Variants in COMMD9 observed in about 807,000 individuals in gnomAD.
The protein encoded by COMMD9 is COMM domain-containing protein 9.
In COMMD9, 22 loss-of-function variants were observed where a neutral mutation model predicts 23.4. That is an observed-to-expected ratio of 0.94 (90% CI 0.67 to 1.34). The LOEUF (loss-of-function observed/expected upper bound fraction) is 1.34. Ranked by LOEUF, COMMD9 falls within the 40% of genes most tolerant of loss-of-function variation. The pLI, the probability that COMMD9 is intolerant of heterozygous loss-of-function variation, is 0.00. For missense variants in COMMD9, 231 were observed against 240.2 expected, an observed-to-expected ratio of 0.96 and a Z score of 0.25; for synonymous variants, 99 against 97.4, an observed-to-expected ratio of 1.02 and a Z score of -0.10.
At chr11:36,274,865 T>C in intron 5 of COMMD9, 93 bp from the exon 6 acceptor site, 1 of 1,481,792 alleles carries the variant, frequency 6.7e-7, no homozygotes, top group South Asian at 1.2e-5. Context: ...AGCTCAGTTC[T>C]GCTGAACCTC....
chr11:36,286,303 A>G (rs1856150012), intron 1 of COMMD9, among the ~76,000 whole-genome samples: 1 of 150,160 alleles, frequency 6.7e-6, no homozygotes, highest in Non-Finnish European at 1.5e-5. Context: ...TAATCCCAGC[A>G]CTTTGGGAGG....
chr11:36,277,073 A>T lies in COMMD9; in HGVS notation c.352+16T>A. On this transcript the variant is annotated intron_variant, in intron 4 of 5. Transcript: ENST00000263401. ...GAGACAAGTAAGAAGGGAGGGGCAG[A>T]TTTATTGGTACTCACTCTGATTTGC... 8 of 1,600,790 alleles carry T rather than the reference A, an allele frequency of 5.0e-6. No individual in the cohort carries two copies. Among genetic ancestry groups the T allele is most frequent in the Admixed American group, 1.7e-5 (1 of 57,772 alleles).
intron 3 of COMMD9, 26 bp downstream of exon 3, chr11:36,278,451 G>A (rs1431273294): frequency 6.3e-7 from 1 of 1,587,700 alleles, no homozygotes; most frequent in African/African-American, 1.3e-5. Flanking sequence ...AAAGTTAGAA[G>A]GGACTTTCAA....
At chr11:36,284,592 G>A (rs531079822) in intron 1 of COMMD9, among the ~76,000 whole-genome samples, 1 of 152,304 alleles carries the variant, frequency 6.6e-6, no homozygotes, top group South Asian at 2.1e-4. Context: ...AGTGTCCACT[G>A]AACACATACC....
chr11:36,277,645 A>T (rs1855996504), intron 3 of COMMD9, among the ~76,000 whole-genome samples: 1 of 152,250 alleles, frequency 6.6e-6, no homozygotes, highest in Non-Finnish European at 1.5e-5. Flanking sequence ...CCTTCTGCTA[A>T]CCAATAGTTA....
intron 1 of COMMD9, among the ~76,000 whole-genome samples, chr11:36,288,150 C>T (rs1451868027): frequency 6.6e-6 from 1 of 152,222 alleles, no homozygotes; most frequent in East Asian, 1.9e-4. Context: ...TGAGCACGTG[C>T]TGTGTGCCAG....
intron 1 of COMMD9, among the ~76,000 whole-genome samples, chr11:36,282,164 G>T (rs1047300492): frequency 6.6e-6 from 1 of 152,002 alleles, no homozygotes; most frequent in African/African-American, 2.4e-5. Flanking sequence ...GGACTATAAC[G>T]AAAAACCTAA....
intron 1 of COMMD9, among the ~76,000 whole-genome samples, chr11:36,289,151 AT>A (rs952586637): frequency 1.7e-4 from 25 of 151,394 alleles, no homozygotes; most frequent in South Asian, 4.2e-4. Flanking sequence ...CCATTATTTT[AT>A]TTTTTTTTAT....
In COMMD9 at chr11:36,280,561, A is replaced by G. The variant is rs1344961775; in HGVS notation, c.177+151T>C. ...GGTCAGGAGCTCTGATTCTGGGTAC[A>G]GTTCTCCCATTCATGTCCCATTTAT... On this transcript the variant is annotated intron_variant, in intron 2 of 5. Transcript: ENST00000263401. 10 of 699,812 alleles carry G rather than the reference A, an allele frequency of 1.4e-5. No individual in the cohort carries two copies. The East Asian group carries it at 2.8e-4, about 19-fold the overall frequency. 43.4% of individuals were successfully genotyped at this position (699,812 alleles called of 1,614,324 possible). A position where few individuals can be genotyped will look rare whatever the true frequency, so the allele number is the denominator to read the frequency against.
intron 5 of COMMD9, 102 bp downstream of exon 5, chr11:36,276,035 A>T (rs1332094841): frequency 3.5e-5 from 28 of 793,284 alleles, no homozygotes; most frequent in Non-Finnish European, 5.8e-5. Context: ...ATGGTAATTT[A>T]AAAAAATATA....
chr11:36,287,617 T>A (rs996596853), intron 1 of COMMD9, among the ~76,000 whole-genome samples: 7 of 151,738 alleles, frequency 4.6e-5, no homozygotes, highest in Non-Finnish European at 7.4e-5. Context: ...AGTATTTTTT[T>A]AAAAAAAGAA....
chr11:36,280,726 C>T lies in COMMD9; in HGVS notation c.163G>A (p.Glu55Lys). Residue 55 changes from glutamate to lysine, a missense_variant, in exon 2 of 6, where the codon GAG (glutamate) becomes AAG (lysine). Coordinates refer to ENST00000263401, the MANE Select transcript of COMMD9 (RefSeq NM_014186.4). Reference protein sequence around the residue: ...VTCSSLSVTQEEAEELLQALH... With the variant: ...VTCSSLSVTQKEAEELLQALH... ...ACCACACTTACTTCCTCTGCCTCCT[C>T]CTGGGTCACAGACAAGCTGGAACAT... 6.2e-7 allele frequency: 1 copy of T among 1,604,328 alleles called. No individual in the cohort carries two copies. The highest frequency in any genetic ancestry group is 8.5e-7 in the Non-Finnish European group (1 of 1,174,960).
At position 36,280,695 on chromosome 11, in the gene COMMD9, T is replaced by C; in HGVS notation, c.177+17A>G. Reference sequence around the variant, plus strand: ...TAAGAGGGCCAGTGGCCAAAGATCATTTCTGACCACACTTACTTCCTCTGC... The same window carrying C: ...TAAGAGGGCCAGTGGCCAAAGATCACTTCTGACCACACTTACTTCCTCTGC... On this transcript the variant is annotated intron_variant, in intron 2 of 5. Transcript: ENST00000263401. The C allele has an allele frequency of 6.3e-7, 1 of 1,579,814 alleles. No homozygotes were observed. The highest frequency in any genetic ancestry group is 8.6e-7 in the Non-Finnish European group (1 of 1,163,360).
chr11:36,286,410 A>AAGAAAG (rs1554981006), intron 1 of COMMD9, among the ~76,000 whole-genome samples: 87 of 104,812 alleles, frequency 8.3e-4, no homozygotes, highest in Non-Finnish European at 1.3e-3. Context: ...AAAAAAAAAA[A>AAGAAAG]AAAGAAAGAA....
At position 36,278,578 on chromosome 11, in the gene COMMD9, T is replaced by A. The variant is rs377576262; in HGVS notation, c.216A>T (p.Ala72=). Residue 72 remains alanine, a synonymous_variant, in exon 3 of 6, where the codon GCA becomes GCT. Coordinates refer to ENST00000263401, the MANE Select transcript of COMMD9 (RefSeq NM_014186.4). ...CCTCGGCAGAGGACAGGTCACGGAA[T>A]GCCACCAGCCTAGTGAGGCGGTGCA... is the stretch of plus-strand genomic sequence containing the variant. The part of the protein sequence containing the change: ...QALHRLTRLV[A]FRDLSSAEAI... 6.2e-7 allele frequency: 1 copy of A among 1,614,082 alleles called. No individual in the cohort carries two copies. Among genetic ancestry groups the A allele is most frequent in the African/African-American group, 1.3e-5 (1 of 74,946 alleles).
intron 2 of COMMD9, 100 bp downstream of exon 2, chr11:36,280,612 T>C: frequency 8.2e-7 from 1 of 1,220,334 alleles, no homozygotes; most frequent in Non-Finnish European, 1.1e-6. Context: ...TGTCAACAGA[T>C]GTTTCAAGGG....
In COMMD9 at chr11:36,289,398, T is replaced by G. The variant is rs753055802; in HGVS notation, c.15A>C (p.Thr5=). ...TCTGGAGTGCTGCAAAATGCTCCGC[T>G]GTCAGGGCAGCCATCTTGCCGAAGT... MAAL[T]AEHFAALQSL... is the part of the protein sequence containing the mutation. The change falls in exon 1 of 6, where the codon ACA becomes ACC. Residue 5 remains threonine (T), a synonymous_variant. Coordinates refer to ENST00000263401, the MANE Select transcript of COMMD9 (RefSeq NM_014186.4). 1 of 1,552,108 alleles carries G rather than the reference T, an allele frequency of 6.4e-7. No individual in the cohort carries two copies. The highest frequency in any genetic ancestry group is 8.7e-7 in the Non-Finnish European group (1 of 1,147,200).
chr11:36,273,380 G>A lies in COMMD9; in HGVS notation c.*1252C>T, dbSNP rs1181179566. 1 of 152,284 alleles carries A rather than the reference G, an allele frequency of 6.6e-6. No homozygotes were observed. Among genetic ancestry groups the A allele is most frequent in the Non-Finnish European group, 1.5e-5 (1 of 68,062 alleles). 9.4% of individuals were successfully genotyped at this position (152,284 alleles called of 1,614,324 possible). ...CACACATGGAGTCCCTGTGAGGCGT[G>A]AGGCACATGACAGAGATGATCTCAT... On this transcript the variant is annotated 3_prime_UTR_variant, in exon 6 of 6. Coordinates refer to ENST00000263401, the MANE Select transcript of COMMD9 (RefSeq NM_014186.4).
intron 2 of COMMD9, 92 bp from the exon 3 acceptor site, chr11:36,278,708 G>A: frequency 8.0e-7 from 1 of 1,250,344 alleles, no homozygotes; most frequent in East Asian, 2.5e-5. Context: ...ACACCCCGAA[G>A]GCTGCACACT....
Sources: gnomAD v4.1 joint callset for allele counts (sites outside exome capture counted in the v4.1 genomes callset) on GRCh38, gnomAD v4.1.1 for gene constraint, MANE v1.5 for transcripts, NCBI Gene and HGNC (gene_info 2026-07-23, HGNC 2026-07-21) for gene names.